Variants in LRP1B observed in about 807,000 individuals in gnomAD.
The protein encoded by LRP1B is LDL receptor related protein 1B, also known as low-density lipoprotein receptor-related protein 1B.
A neutral mutation model predicts 556.6 loss-of-function variants in LRP1B; 217 were observed. The observed-to-expected ratio is 0.39, with a 90% CI of 0.35 to 0.44. The LOEUF is 0.44. Among genes scored for constraint, LRP1B ranks in the 20% least tolerant of loss-of-function variants. LRP1B has a pLI of 1.00. For synonymous variants in LRP1B, 2,047 were observed against 1,865.8 expected, an observed-to-expected ratio of 1.10 and a Z score of -2.50; for missense variants, 5,053 against 5,620.8, an observed-to-expected ratio of 0.90 and a Z score of 3.23.
At chr2:140,819,185 AT>A (rs1279992905) in intron 31 of LRP1B, among the ~76,000 whole-genome samples, 9 of 151,580 alleles carry the variant, frequency 5.9e-5, no homozygotes, top group Admixed American at 1.3e-4. Context: ...TGTTAGCTAT[AT>A]TTATGAGTGG....
intron 14 of LRP1B, among the ~76,000 whole-genome samples, chr2:141,007,798 T>C (rs1697622154): frequency 6.6e-6 from 1 of 151,788 alleles, no homozygotes; most frequent in Non-Finnish European, 1.5e-5. Flanking sequence ...AATTCAGTGG[T>C]ATGCCTCATA....
chr2:140,566,809 C>T (rs1558972290), intron 43 of LRP1B, among the ~76,000 whole-genome samples: 1 of 152,152 alleles, frequency 6.6e-6, no homozygotes, highest in Non-Finnish European at 1.5e-5. Flanking sequence ...TCAGCCAGAA[C>T]CTCAACAGTG....
chr2:141,146,733 C>G (rs184674793), intron 7 of LRP1B, among the ~76,000 whole-genome samples: 2 of 152,166 alleles, frequency 1.3e-5, no homozygotes, highest in African/African-American at 4.8e-5. Context: ...ATGATATTAA[C>G]GCATAGAAGA....
chr2:141,042,436 G>C (rs964613978), intron 11 of LRP1B, among the ~76,000 whole-genome samples: 9 of 152,102 alleles, frequency 5.9e-5, no homozygotes, highest in African/African-American at 2.2e-4. Context: ...TCTGGCTATT[G>C]TTATTGATCT....
chr2:141,350,991 T>TA (rs1055900596), intron 3 of LRP1B, among the ~76,000 whole-genome samples: 1 of 152,010 alleles, frequency 6.6e-6, no homozygotes, highest in African/African-American at 2.4e-5. Flanking sequence ...GACAAGAATT[T>TA]AAAAAAATTT....
chr2:141,872,178 G>C (rs1698611563), intron 1 of LRP1B, among the ~76,000 whole-genome samples: 1 of 151,908 alleles, frequency 6.6e-6, no homozygotes, highest in Admixed American at 6.6e-5. Flanking sequence ...TGGAAATAGA[G>C]GTATCCCTGA....
intron 41 of LRP1B, among the ~76,000 whole-genome samples, chr2:140,670,087 A>G (rs1324969262): frequency 6.6e-6 from 1 of 152,168 alleles, no homozygotes; most frequent in Non-Finnish European, 1.5e-5. Flanking sequence ...AATGTTTCCC[A>G]ATGGGAATTA....
rs562554240 is a variant in LRP1B at position 140,640,545 on chromosome 2, G to A, written c.6800-38906C>T. Reference sequence around the variant, plus strand: ...CGAGTAGCTGGGACTACAGGCGCCCGCCACCATGCCCGGCTAATTTTTTGT... The same window carrying A: ...CGAGTAGCTGGGACTACAGGCGCCCACCACCATGCCCGGCTAATTTTTTGT... On this transcript the variant is annotated intron_variant, in intron 41 of 90. Transcript: ENST00000389484. 1.9e-3 allele frequency among the ~76,000 whole-genome samples: 285 copies of A among 150,130 alleles called. 4 individuals are homozygous for A. Among genetic ancestry groups the A allele is most frequent in the African/African-American group, 6.3e-3 (258 of 40,876 alleles).
At chr2:141,559,134 AT>A (rs1192512760) in intron 2 of LRP1B, among the ~76,000 whole-genome samples, 5 of 151,562 alleles carry the variant, frequency 3.3e-5, no homozygotes, top group Non-Finnish European at 5.9e-5. Flanking sequence ...AAGTTTGGCC[AT>A]TTTTTTAAAG....
Position 141,098,900 on chromosome 2 carries a change from G to A in LRP1B, c.1014-36627C>T, listed in dbSNP as rs889200845. Among the ~76,000 whole-genome samples the A allele has an allele frequency of 3.9e-4, 59 of 152,056 alleles. 1 individual carries two copies. The highest frequency in any genetic ancestry group is 2.3e-3 in the South Asian group (11 of 4,818). On this transcript the variant is annotated intron_variant, in intron 7 of 90. Coordinates refer to ENST00000389484, the MANE Select transcript of LRP1B (RefSeq NM_018557.3). ...TTGAACTCCCGATCTCAGGTAATCC[G>A]CCCGCCTCAGCCTCTCAAAGTGCTC...
chr2:141,196,399 C>T (rs537577988), intron 6 of LRP1B, among the ~76,000 whole-genome samples: 2 of 151,980 alleles, frequency 1.3e-5, no homozygotes, highest in Admixed American at 1.3e-4. Context: ...TTCTTTACAC[C>T]CCTCCATACT....
At chr2:141,591,582 G>C (rs1687341110) in intron 2 of LRP1B, among the ~76,000 whole-genome samples, 1 of 5,346 alleles carries the variant, frequency 1.9e-4, no homozygotes, top group Admixed American at 4.9e-3. Context: ...CTGCAGAGTG[G>C]TGTGTGTGTG....
chr2:141,007,045 A>G (rs543512131), intron 14 of LRP1B, among the ~76,000 whole-genome samples: 4 of 152,088 alleles, frequency 2.6e-5, no homozygotes, highest in African/African-American at 9.6e-5. Context: ...AGCTTGTTGA[A>G]AGCATCAATA....
chr2:141,046,615 G>T (rs114632748), intron 11 of LRP1B, among the ~76,000 whole-genome samples: 3,611 of 152,166 alleles, frequency 0.024, 77 homozygotes, highest in Non-Finnish European at 0.034. Context: ...GGCGGTCATT[G>T]TGGCTATTAG....
rs1684813728 is a variant in LRP1B at position 140,654,671 on chromosome 2, A to T, written c.6799+45579T>A. 2.0e-5 allele frequency among the ~76,000 whole-genome samples: 3 copies of T among 152,206 alleles called. No homozygotes were observed. The South Asian group carries it at 6.2e-4, about 32-fold the overall frequency. On this transcript the variant is annotated intron_variant, in intron 41 of 90. Transcript: ENST00000389484. ...TTTTTTTCCCCGATAACACAGACTG[A>T]CACTATAGATGGGATTTCCCAGGCT...
At position 141,033,540 on chromosome 2, in the gene LRP1B, C is replaced by CAA. The variant is rs70991133; in HGVS notation, c.1790-13440_1790-13439dup. 4.9e-3 allele frequency among the ~76,000 whole-genome samples: 727 copies of CAA among 149,106 alleles called. 4 individuals are homozygous for CAA. Among genetic ancestry groups the CAA allele is most frequent in the African/African-American group, 0.013 (539 of 40,316 alleles). On this transcript the variant is annotated intron_variant, in intron 11 of 90. Coordinates refer to ENST00000389484, the MANE Select transcript of LRP1B (RefSeq NM_018557.3). Reference sequence around the variant, plus strand: ...CTATGGACTGAATGTTCCTGTCCCTCAAAAAAAAAAAAATCATATGTTGAA... The same window carrying CAA: ...CTATGGACTGAATGTTCCTGTCCCTCAAAAAAAAAAAAAAATCATATGTTGAA...
At chr2:140,823,334 T>G (rs1409509863) in intron 31 of LRP1B, among the ~76,000 whole-genome samples, 5 of 152,170 alleles carry the variant, frequency 3.3e-5, no homozygotes, top group Non-Finnish European at 5.9e-5. Context: ...TAAGGAATAC[T>G]GTAGGCAGTT....
At chr2:140,751,973 G>A (rs778228210) in intron 35 of LRP1B, among the ~76,000 whole-genome samples, 2 of 152,076 alleles carry the variant, frequency 1.3e-5, no homozygotes, top group African/African-American at 2.4e-5. Flanking sequence ...ATTATAGACA[G>A]CATTTTTTTT....
chr2:141,553,879 A>G (rs1365630715), intron 2 of LRP1B, among the ~76,000 whole-genome samples: 1 of 112,194 alleles, frequency 8.9e-6, no homozygotes, highest in Non-Finnish European at 2.1e-5. Context: ...ATAATAATAT[A>G]GTTATATAAT....
Sources: allele counts gnomAD v4.1 joint callset (sites outside exome capture counted in the v4.1 genomes callset), GRCh38; gene constraint gnomAD v4.1.1; transcripts MANE v1.5; gene names NCBI Gene and HGNC (gene_info 2026-07-23, HGNC 2026-07-21).